NRG1: variants seen among roughly 807,000 people sequenced by gnomAD.
NRG1 encodes the protein neuregulin 1.
A neutral mutation model predicts 63.8 loss-of-function variants in NRG1; 18 were observed. That is an observed-to-expected ratio of 0.28 (90% CI 0.19 to 0.42). NRG1 has a LOEUF of 0.42. Ranked by LOEUF, NRG1 falls within the 10% of genes least tolerant of loss-of-function variation. The pLI, the probability that NRG1 is intolerant of heterozygous loss-of-function variation, is 1.00. For missense variants in NRG1, 762 were observed against 814.7 expected, an observed-to-expected ratio of 0.94 and a Z score of 0.79; for synonymous variants, 302 against 301.3, an observed-to-expected ratio of 1.00 and a Z score of -0.02.
Position 32,614,505 on chromosome 8 carries a change from T to G in NRG1, c.401-9T>G. 3 of 1,612,522 alleles carry G rather than the reference T, an allele frequency of 1.9e-6. No homozygotes were observed. On this transcript the variant is annotated splice_polypyrimidine_tract_variant and intron_variant, in intron 3 of 11. Coordinates refer to ENST00000356819, the Ensembl canonical transcript of NRG1. ...TATATCATAATGTCCTATCACCTTT[T>G]TTTTTCAGAGATCATCACTGGTATG...
At chr8:32,668,331 C>T (rs142426188) in intron 5 of NRG1, among the ~76,000 whole-genome samples, 87 of 152,258 alleles carry the variant, frequency 5.7e-4, no homozygotes, top group African/African-American at 2.0e-3. Context: ...TTCTGCTCTG[C>T]GTTGTCAACA....
chr8:32,655,102 A>AT (rs1390286192), intron 5 of NRG1, among the ~76,000 whole-genome samples: 1 of 152,222 alleles, frequency 6.6e-6, no homozygotes, highest in Non-Finnish European at 1.5e-5. Context: ...GGCCTGAGAC[A>AT]TAAAAAATAT....
chr8:32,717,543 G>C (rs1819553425), intron 5 of NRG1, among the ~76,000 whole-genome samples: 1 of 152,150 alleles, frequency 6.6e-6, no homozygotes, highest in Non-Finnish European at 1.5e-5. Flanking sequence ...TTAGCCAAGT[G>C]TTATGGAGCA....
intron 1 of NRG1, among the ~76,000 whole-genome samples, chr8:32,518,976 T>A (rs1830087149): frequency 6.6e-6 from 1 of 152,208 alleles, no homozygotes; most frequent in Non-Finnish European, 1.5e-5. Flanking sequence ...AAGAGCTACT[T>A]TAATGTTGTA....
chr8:31,993,686 GGT>G (rs759783703), intron 1 of NRG1, among the ~76,000 whole-genome samples: 11 of 151,948 alleles, frequency 7.2e-5, no homozygotes, highest in Non-Finnish European at 1.5e-4. Flanking sequence ...CCCAGTCTCA[GGT>G]GTGTCTTTAT....
At chr8:32,547,623 A>ACACACG (rs1554577933), upstream of NRG1, among the ~76,000 whole-genome samples, 1 of 139,108 alleles carries the variant, frequency 7.2e-6, no homozygotes, top group East Asian at 2.3e-4. Context: ...ACACACACAC[A>ACACACG]CACGCACACG....
intron 5 of NRG1, chr8:32,721,905 G>A (rs1820740218): frequency 2.3e-5 from 33 of 1,462,708 alleles, no homozygotes; most frequent in Non-Finnish European, 3.0e-5. Context: ...CCCAGTAGGA[G>A]TTCAGTCTGC....
rs186942480 is a variant in NRG1, at chr8:32,267,176, G to A, written c.38-328652G>A. Among the ~76,000 whole-genome samples, 4 of 147,122 alleles carry A rather than the reference G, an allele frequency of 2.7e-5. No individual in the cohort carries two copies. The East Asian group carries it at 7.8e-4, about 29-fold the overall frequency. Reference sequence around the variant, plus strand: ...GAAAGAAGGAAGGAGAAAGAAGGAAGGAAGGAGAAAGAAGGAAGGAAGGAA... The same window carrying A: ...GAAAGAAGGAAGGAGAAAGAAGGAAAGAAGGAGAAAGAAGGAAGGAAGGAA... On this transcript the variant is annotated intron_variant, in intron 1 of 10. Transcript: ENST00000519301.
intron 1 of NRG1, among the ~76,000 whole-genome samples, chr8:32,283,643 G>C (rs1373845955): frequency 1.3e-5 from 2 of 152,184 alleles, no homozygotes; most frequent in Admixed American, 6.5e-5. Context: ...GGAACATCAA[G>C]ATAATTTTTC....
chr8:32,199,451 C>G (rs1312780450), intron 1 of NRG1, among the ~76,000 whole-genome samples: 1 of 152,154 alleles, frequency 6.6e-6, no homozygotes, highest in Non-Finnish European at 1.5e-5. Flanking sequence ...AAATCTCATG[C>G]CTTCTACTTC....
At chr8:31,644,859 A>G (rs1018318131) in intron 1 of NRG1, among the ~76,000 whole-genome samples, 3 of 152,126 alleles carry the variant, frequency 2.0e-5, no homozygotes, top group Admixed American at 2.0e-4. Flanking sequence ...AATATGGTTG[A>G]ATGATCTGAA....
chr8:32,371,585 A>G (rs1377438363), intron 1 of NRG1, among the ~76,000 whole-genome samples: 1 of 151,368 alleles, frequency 6.6e-6, no homozygotes, highest in Non-Finnish European at 1.5e-5. Context: ...TCAAGTGACT[A>G]AGTTTTAGCC....
chr8:31,914,819 G>A (rs1366770127), intron 1 of NRG1, among the ~76,000 whole-genome samples: 1 of 151,372 alleles, frequency 6.6e-6, no homozygotes, highest in African/African-American at 2.4e-5. Flanking sequence ...TATTTTTTAT[G>A]GTAGTTTAAT....
chr8:32,202,457 C>T (rs182118554), intron 1 of NRG1, among the ~76,000 whole-genome samples: 1 of 152,238 alleles, frequency 6.6e-6, no homozygotes, highest in East Asian at 1.9e-4. Flanking sequence ...TGTTACAATG[C>T]TCTTTTAGCC....
At chr8:32,396,413 A>G (rs1723798591) in intron 1 of NRG1, among the ~76,000 whole-genome samples, 1 of 152,154 alleles carries the variant, frequency 6.6e-6, no homozygotes, top group Non-Finnish European at 1.5e-5. Flanking sequence ...GAGATCTTGT[A>G]TATATTTTGT....
intron 1 of NRG1, among the ~76,000 whole-genome samples, chr8:31,908,273 G>C (rs551626136): frequency 3.8e-4 from 58 of 152,326 alleles, no homozygotes; most frequent in African/African-American, 1.2e-3. Flanking sequence ...CAGGGGAAAA[G>C]CATCGATTTG....
chr8:31,773,817 C>G (rs1327002032), intron 1 of NRG1, among the ~76,000 whole-genome samples: 1 of 152,122 alleles, frequency 6.6e-6, no homozygotes, highest in Non-Finnish European at 1.5e-5. Context: ...AAGTTACCTT[C>G]TCTGAGTTTT....
rs1845594606 is a variant in NRG1 at position 32,608,092 on chromosome 8, G to GTTTTGTTTTGTTTTTTTTTTT, written c.400+2413_400+2414insGTTTTGTTTTTTTTTTTTTTT. ...GGAGATATGAACCCAGGTTTTTTTT[G>GTTTTGTTTTGTTTTTTTTTTT]TTTTTTTTTTTTTTGTTTTTTTTTT... is the stretch of plus-strand genomic sequence containing the variant. On this transcript the variant is annotated intron_variant, in intron 3 of 11. Transcript: ENST00000356819. Among the ~76,000 whole-genome samples, 4 of 106,198 alleles carry GTTTTGTTTTGTTTTTTTTTTT rather than the reference G, an allele frequency of 3.8e-5. 1 individual carries two copies. In the East Asian group the frequency reaches 1.5e-3, roughly 41 times the overall value. 69.7% of individuals were successfully genotyped at this position (106,198 alleles called of 152,430 possible).
chr8:32,218,624 C>G (rs1210567047), intron 1 of NRG1, among the ~76,000 whole-genome samples: 2 of 152,228 alleles, frequency 1.3e-5, no homozygotes, highest in Non-Finnish European at 2.9e-5. Flanking sequence ...TCCAGAGAAG[C>G]AGCGGCTTTC....
Sources: gnomAD v4.1 joint callset for allele counts (sites outside exome capture counted in the v4.1 genomes callset) on GRCh38, gnomAD v4.1.1 for gene constraint, MANE v1.5 for transcripts, NCBI Gene and HGNC (gene_info 2026-07-23, HGNC 2026-07-21) for gene names.